The following BAIAP2 variants were observed in gnomAD, a reference collection of about 807,000 sequenced individuals.
The protein encoded by BAIAP2 is BAR/IMD domain-containing adapter protein 2.
Under a neutral mutation model 63.0 loss-of-function variants are expected in BAIAP2, and 18 were observed. That is an observed-to-expected ratio of 0.29 (90% CI 0.20 to 0.42). The LOEUF is 0.42. BAIAP2 is among the 10% of genes least tolerant of loss of function. BAIAP2 has a pLI of 1.00. For synonymous variants in BAIAP2, 386 were observed against 307.6 expected (o/e 1.25, Z -2.67); for missense variants, 610 against 734.3 (o/e 0.83, Z 1.96).
intron 1 of BAIAP2, among the ~76,000 whole-genome samples, chr17:81,052,994 G>A (rs1598538176): frequency 6.6e-6 from 1 of 151,752 alleles, no homozygotes; most frequent in African/African-American, 2.4e-5. Context: ...TATGCCGGTA[G>A]AATTCTCATT....
Position 81,046,534 on chromosome 17 carries a change from C to T in BAIAP2, c.55-7134C>T, listed in dbSNP as rs556369899. Among the ~76,000 whole-genome samples, 58 of 152,244 alleles carry T rather than the reference C, an allele frequency of 3.8e-4. No individual in the cohort carries two copies. The highest frequency in any genetic ancestry group is 3.4e-3 in the Middle Eastern group (1 of 294). ...CCAGCTCCCAGGCTCTGGAGCTCAT[C>T]GGTGCTCCTGTGTGTGGGGTCAGCA... On this transcript the variant is annotated intron_variant, in intron 1 of 13. Transcript: ENST00000428708. The surrounding 1 kb of genome is among the most constrained non-coding windows in gnomAD (Gnocchi z 4.5).
At chr17:81,109,726 G>A (rs2059668432) in intron 13 of BAIAP2, 7 of 985,392 alleles carry the variant, frequency 7.1e-6, no homozygotes, top group Middle Eastern at 5.2e-4. Context: ...CTCACCTCCC[G>A]TCGGGCACTG....
At chr17:81,040,663 C>T (rs961103398) in intron 1 of BAIAP2, among the ~76,000 whole-genome samples, 1 of 152,250 alleles carries the variant, frequency 6.6e-6, no homozygotes, top group Non-Finnish European at 1.5e-5. Flanking sequence ...AATCACTGTC[C>T]CGCCTTTGCT....
At chr17:81,071,319 A>G (rs574523895) in intron 3 of BAIAP2, among the ~76,000 whole-genome samples, 1 of 152,170 alleles carries the variant, frequency 6.6e-6, no homozygotes, top group South Asian at 2.1e-4. Context: ...TGATAGCAAG[A>G]TGTCCTGTCA....
chr17:81,051,117 A>G (rs1416321184), intron 1 of BAIAP2, among the ~76,000 whole-genome samples: 1 of 150,886 alleles, frequency 6.6e-6, no homozygotes, highest in East Asian at 2.0e-4. Context: ...TGGGAGTTAA[A>G]GTGTCCAGGC....
At chr17:81,036,524 T>C (rs1450806592) in intron 1 of BAIAP2, among the ~76,000 whole-genome samples, 1 of 152,218 alleles carries the variant, frequency 6.6e-6, no homozygotes, top group East Asian at 1.9e-4. Flanking sequence ...GCCCCTCTGG[T>C]TCCAGCTGGA....
rs1363569350 is a variant in BAIAP2 at position 81,105,170 on chromosome 17, GGCAGGGGTCTCCCCC to G, written c.1268+456_1268+470del. 3.8e-5 allele frequency: 4 copies of G among 106,532 alleles called. No individual in the cohort carries two copies. The East Asian group carries it at 8.7e-4, about 23-fold the overall frequency. 6.6% of individuals were successfully genotyped at this position (106,532 alleles called of 1,614,324 possible). Reference sequence around the variant, plus strand: ...CCCACGGCAGGGGTCTCCCCCCAATGGCAGGGGTCTCCCCCCAATGGCTCGGGTCTCCCCCACATG... The same window carrying G: ...CCCACGGCAGGGGTCTCCCCCCAATGCAATGGCTCGGGTCTCCCCCACATG... On this transcript the variant is annotated intron_variant, in intron 10 of 13. Transcript: ENST00000428708.
chr17:81,041,898 A>G (rs9913477), intron 1 of BAIAP2, among the ~76,000 whole-genome samples: 9,284 of 152,200 alleles, frequency 0.061, 522 homozygotes, highest in East Asian at 0.32. Context: ...TTCAATAATC[A>G]TATATTGAAT....
chr17:81,055,058 G>A (rs1365222378), intron 2 of BAIAP2, among the ~76,000 whole-genome samples: 2 of 152,066 alleles, frequency 1.3e-5, no homozygotes, highest in Non-Finnish European at 2.9e-5. Context: ...GACACGTGCT[G>A]CGTCTCTGCC....
At chr17:81,061,595 G>A (rs933546203) in intron 3 of BAIAP2, among the ~76,000 whole-genome samples, 5 of 152,198 alleles carry the variant, frequency 3.3e-5, no homozygotes, top group African/African-American at 7.2e-5. Context: ...TGCTGCGCGC[G>A]TCAGGAATTT....
intron 3 of BAIAP2, among the ~76,000 whole-genome samples, chr17:81,078,326 G>A: frequency 6.8e-6 from 1 of 146,888 alleles, no homozygotes; most frequent in African/African-American, 2.5e-5. Context: ...GCCGTATTGG[G>A]TGGGAGCCGG....
At chr17:81,088,802 C>T (rs2056188703) in intron 6 of BAIAP2, among the ~76,000 whole-genome samples, 2 of 152,232 alleles carry the variant, frequency 1.3e-5, no homozygotes, top group South Asian at 2.1e-4. Context: ...CTGGCACGGC[C>T]GGTACTGCCC....
intron 6 of BAIAP2, among the ~76,000 whole-genome samples, chr17:81,096,594 CCTT>C (rs1169598263): frequency 6.6e-6 from 1 of 152,240 alleles, no homozygotes; most frequent in Non-Finnish European, 1.5e-5. Flanking sequence ...CCAGGCCCCT[CCTT>C]GTGCACAAGC....
chr17:81,055,574 G>GTTTTT (rs1555657874), intron 2 of BAIAP2, among the ~76,000 whole-genome samples: 41 of 123,352 alleles, frequency 3.3e-4, no homozygotes, highest in Middle Eastern at 4.1e-3. Flanking sequence ...AGGGTGTTTT[G>GTTTTT]TTTTTTTTTG....
chr17:81,051,577 A>G (rs1489427252), intron 1 of BAIAP2, among the ~76,000 whole-genome samples: 1 of 152,026 alleles, frequency 6.6e-6, no homozygotes, highest in East Asian at 1.9e-4. Context: ...TTGTATTTTT[A>G]GTAGAAATGG....
At position 81,116,443 on chromosome 17, in the gene BAIAP2, G is replaced by C. The variant is rs895347716; in HGVS notation, c.*604G>C. The C allele has an allele frequency of 7.7e-6, 9 of 1,166,228 alleles. No individual in the cohort carries two copies. The African/African-American group carries it at 1.1e-4, about 14-fold the overall frequency. 72.2% of individuals were successfully genotyped at this position (1,166,228 alleles called of 1,614,324 possible). A position where few individuals can be genotyped will look rare whatever the true frequency, so the allele number is the denominator to read the frequency against. On this transcript the variant is annotated 3_prime_UTR_variant, in exon 14 of 14. Transcript: ENST00000428708. ...GGCAATGTCACAAGGGCCTCCCCAGGCCCCTCCTGCCTCGGGCAGGCCCCA... is the reference window on the plus strand; with the variant it reads ...GGCAATGTCACAAGGGCCTCCCCAGCCCCCTCCTGCCTCGGGCAGGCCCCA...
chr17:81,083,465 C>G (rs533907711), intron 3 of BAIAP2: 1 of 152,204 alleles, frequency 6.6e-6, no homozygotes, highest in African/African-American at 2.4e-5. Flanking sequence ...CAAAGGAGTA[C>G]GGGGGCCGGA....
intron 3 of BAIAP2, among the ~76,000 whole-genome samples, chr17:81,074,457 A>G (rs956008514): frequency 7.0e-6 from 1 of 143,298 alleles, no homozygotes. Flanking sequence ...TGTGAGTGCC[A>G]GTGTGTGTGC....
chr17:81,060,379 C>G (rs2050341252), intron 3 of BAIAP2, among the ~76,000 whole-genome samples: 1 of 152,224 alleles, frequency 6.6e-6, no homozygotes, highest in Non-Finnish European at 1.5e-5. Flanking sequence ...CCCCTGGCAG[C>G]CACACCACTG....
Sources: gnomAD v4.1 joint callset for allele counts (sites outside exome capture counted in the v4.1 genomes callset) on GRCh38, gnomAD v4.1.1 for gene constraint, Gnocchi (gnomAD v3.1) non-coding constraint, MANE v1.5 for transcripts, NCBI Gene and HGNC (gene_info 2026-07-23, HGNC 2026-07-21) for gene names.